ST18: variants seen among roughly 807,000 people sequenced by gnomAD.
The protein encoded by ST18 is suppression of tumorigenicity 18 protein.
A neutral mutation model predicts 110.0 loss-of-function variants in ST18; 50 were observed. The observed-to-expected ratio is 0.45, with a 90% confidence interval of 0.36 to 0.58. The LOEUF is 0.58. ST18 is among the 20% of genes least tolerant of loss of function. The pLI is 0.00. For missense variants in ST18, 1,306 were observed against 1,280.1 expected, an observed-to-expected ratio of 1.02 and a Z score of -0.31; for synonymous variants, 461 against 452.4, an observed-to-expected ratio of 1.02 and a Z score of -0.24.
intron 2 of ST18, among the ~76,000 whole-genome samples, chr8:52,397,533 AC>A (rs1841554285): frequency 6.6e-6 from 1 of 152,124 alleles, no homozygotes; most frequent in Non-Finnish European, 1.5e-5. Context: ...TGCAGCCAAG[AC>A]CAATGTCAAG....
In ST18 at chr8:52,111,118, C is replaced by T; in HGVS notation, c.*2080G>A. The stretch of plus-strand genomic sequence containing the variant: ...AATACAAACATACTTCACAAAACAT[C>T]CTGCTCAAACTATGCAAACACAAAT... On this transcript the variant is annotated 3_prime_UTR_variant, in exon 26 of 26. Transcript: ENST00000689386. The T allele has an allele frequency of 2.5e-6, 1 of 395,568 alleles. No homozygotes were observed. Among genetic ancestry groups the T allele is most frequent in the Non-Finnish European group, 4.5e-6 (1 of 224,102 alleles). The allele number at this position is 395,568 out of a possible 1,614,324, so 24.5% of individuals were successfully genotyped here. A position where few individuals can be genotyped will look rare whatever the true frequency, so the allele number is the denominator to read the frequency against.
At chr8:52,316,463 A>G (rs1394006422) in intron 2 of ST18, among the ~76,000 whole-genome samples, 1 of 152,212 alleles carries the variant, frequency 6.6e-6, no homozygotes, top group Admixed American at 6.5e-5. Flanking sequence ...ATTTGTGTAG[A>G]ATTTACACTT....
chr8:52,314,724 C>G (rs1049443909), intron 2 of ST18, among the ~76,000 whole-genome samples: 1 of 152,234 alleles, frequency 6.6e-6, no homozygotes, highest in Non-Finnish European at 1.5e-5. Flanking sequence ...AGAACCCTCC[C>G]TGGCCCCAAC....
intron 5 of ST18, among the ~76,000 whole-genome samples, chr8:52,219,195 A>G (rs1237305479): frequency 6.6e-6 from 1 of 152,166 alleles, no homozygotes; most frequent in Non-Finnish European, 1.5e-5. Context: ...TACCTGTCAC[A>G]CAAGGAAAAA....
intron 6 of ST18, 89 bp downstream of exon 6, chr8:52,217,657 A>G (rs886823331): frequency 2.0e-5 from 3 of 152,220 alleles, no homozygotes; most frequent in African/African-American, 7.2e-5. Flanking sequence ...CAGATACACA[A>G]TGAGGAAGAA....
chr8:52,120,545 A>G (rs1367766965), intron 23 of ST18, among the ~76,000 whole-genome samples: 1 of 152,178 alleles, frequency 6.6e-6, no homozygotes, highest in Non-Finnish European at 1.5e-5. Context: ...GCAGCTGAGC[A>G]TCCAAGAGGA....
At chr8:52,220,951 C>G (rs1013531964) in intron 4 of ST18, 103 bp from the exon 5 acceptor site, 1 of 152,154 alleles carries the variant, frequency 6.6e-6, no homozygotes, top group Non-Finnish European at 1.5e-5. Context: ...AGTGTTGACA[C>G]TTATCTATAG....
chr8:52,122,200 A>G (rs1240508303), intron 23 of ST18, among the ~76,000 whole-genome samples: 3 of 152,138 alleles, frequency 2.0e-5, no homozygotes, highest in African/African-American at 7.2e-5. Context: ...TAATCCATTT[A>G]TGTAAAAGCA....
At chr8:52,178,845 A>T (rs1195904090) in intron 9 of ST18, among the ~76,000 whole-genome samples, 1 of 151,924 alleles carries the variant, frequency 6.6e-6, no homozygotes, top group Non-Finnish European at 1.5e-5. Flanking sequence ...TCAGAATACA[A>T]CTTTGTTTTA....
At chr8:52,308,859 G>A (rs576200461) in intron 2 of ST18, among the ~76,000 whole-genome samples, 77 of 152,350 alleles carry the variant, frequency 5.1e-4, no homozygotes, top group South Asian at 1.4e-3. Flanking sequence ...GGGGACTGGG[G>A]TAGTTGTCTA....
chr8:52,377,430 T>C (rs1042998454), intron 2 of ST18, among the ~76,000 whole-genome samples: 1 of 152,184 alleles, frequency 6.6e-6, no homozygotes, highest in Non-Finnish European at 1.5e-5. Context: ...AGCTCCAAGA[T>C]ATAGTGAAAA....
intron 23 of ST18, among the ~76,000 whole-genome samples, chr8:52,124,151 C>T (rs772992725): frequency 3.3e-5 from 5 of 151,610 alleles, no homozygotes; most frequent in Non-Finnish European, 5.9e-5. Context: ...TTCTTATCTT[C>T]GACTTTCCTT....
intron 2 of ST18, among the ~76,000 whole-genome samples, chr8:52,308,960 T>C (rs1455822216): frequency 6.6e-6 from 1 of 152,234 alleles, no homozygotes; most frequent in Non-Finnish European, 1.5e-5. Context: ...TTTCTATAAG[T>C]ATGTGTTAAA....
At chr8:52,330,271 C>T (rs2360794) in intron 2 of ST18, among the ~76,000 whole-genome samples, 1,803 of 152,228 alleles carry the variant, frequency 0.012, 20 homozygotes, top group Non-Finnish European at 0.017. Flanking sequence ...ATAAAGTACA[C>T]GAGAGGGTCA....
At chr8:52,135,752 A>G (rs2051923381) in intron 19 of ST18, among the ~76,000 whole-genome samples, 1 of 152,084 alleles carries the variant, frequency 6.6e-6, no homozygotes, top group African/African-American at 2.4e-5. Context: ...AAAAATTTTA[A>G]ACAGCTTAAA....
chr8:52,126,749 A>G (rs190473080), intron 22 of ST18, among the ~76,000 whole-genome samples: 39 of 152,348 alleles, frequency 2.6e-4, no homozygotes, highest in African/African-American at 9.4e-4. Context: ...GAATAAGAGG[A>G]GCTGCCACAA....
rs748991505 is a variant in ST18 at position 52,164,110 on chromosome 8, C to G, written c.1296-20G>C. 1 of 1,595,848 alleles carries G rather than the reference C, an allele frequency of 6.3e-7. No individual in the cohort carries two copies. The highest frequency in any genetic ancestry group is 1.7e-5 in the Admixed American group (1 of 59,990). On this transcript the variant is annotated intron_variant, in intron 12 of 25. Transcript: ENST00000689386. Reference sequence around the variant, plus strand: ...GAAAGACTGTTTAAAAAAAGAAACACAGGAGGATTTTAGTTAAAATGATAA... The same window carrying G: ...GAAAGACTGTTTAAAAAAAGAAACAGAGGAGGATTTTAGTTAAAATGATAA...
intron 10 of ST18, among the ~76,000 whole-genome samples, chr8:52,168,631 A>G (rs1309069484): frequency 2.0e-5 from 3 of 152,270 alleles, no homozygotes; most frequent in Middle Eastern, 3.4e-3. Context: ...TAAATGAGCA[A>G]CGAACGGCCA....
At chr8:52,287,218 T>A (rs907861164) in intron 2 of ST18, among the ~76,000 whole-genome samples, 3 of 152,202 alleles carry the variant, frequency 2.0e-5, no homozygotes, top group South Asian at 2.1e-4. Context: ...ATCCCCAAAT[T>A]TCTATGTACA....
Sources: allele counts gnomAD v4.1 joint callset (sites outside exome capture counted in the v4.1 genomes callset), GRCh38; gene constraint gnomAD v4.1.1; transcripts MANE v1.5; gene names NCBI Gene and HGNC (gene_info 2026-07-23, HGNC 2026-07-21).